Variants in BANP observed in about 807,000 individuals in gnomAD.
The protein encoded by BANP is protein BANP.
In BANP, 11 loss-of-function variants were observed where a neutral mutation model predicts 68.1. That is an observed-to-expected ratio of 0.16 (90% CI 0.10 to 0.27). The LOEUF (loss-of-function observed/expected upper bound fraction) is 0.27. Among genes scored for constraint, BANP ranks in the 10% least tolerant of loss-of-function variants. The pLI, the probability that BANP is intolerant of heterozygous loss-of-function variation, is 1.00. For missense variants in BANP, 504 were observed against 722.7 expected (o/e 0.70, Z 3.47); for synonymous variants, 329 against 303.2 (o/e 1.09, Z -0.88).
At chr16:88,053,298 C>A (rs1159390220) in intron 11 of BANP, among the ~76,000 whole-genome samples, 1 of 150,214 alleles carries the variant, frequency 6.7e-6, no homozygotes, top group Non-Finnish European at 1.5e-5. Flanking sequence ...CAGTCCCCTT[C>A]ACCACCACCA....
At chr16:88,024,831 A>AT (rs1368803778) in intron 7 of BANP, among the ~76,000 whole-genome samples, 2 of 152,208 alleles carry the variant, frequency 1.3e-5, no homozygotes, top group African/African-American at 4.8e-5. Context: ...ATGAATATAT[A>AT]TTTTTTATTT....
chr16:88,033,325 G>C, intron 9 of BANP, 80 bp downstream of exon 9: 1 of 1,365,148 alleles, frequency 7.3e-7, no homozygotes, highest in Non-Finnish European at 9.7e-7. Flanking sequence ...GCTTCCACCG[G>C]TTCCGCTGTG....
rs552563821 is a variant in BANP, at chr16:88,026,328, A to C, written c.896-1155A>C. On this transcript the variant is annotated intron_variant, in intron 7 of 13. Transcript: ENST00000682872. The stretch of plus-strand genomic sequence containing the variant: ...CCGTAAGGAGTTTGTACTCTAGTTG[A>C]GAAGGCACGATAGAGAGGCGTCGGG... 3.3e-5 allele frequency among the ~76,000 whole-genome samples: 5 copies of C among 152,298 alleles called. No homozygotes were observed. The East Asian group carries it at 9.6e-4, about 29-fold the overall frequency.
At chr16:88,065,682 G>A (rs952231123) in intron 12 of BANP, among the ~76,000 whole-genome samples, 1 of 152,196 alleles carries the variant, frequency 6.6e-6, no homozygotes, top group African/African-American at 2.4e-5. Flanking sequence ...AGTGGTGATG[G>A]TTCCCTCAGG....
chr16:88,054,457 C>T (rs1163323416), intron 11 of BANP, among the ~76,000 whole-genome samples: 3 of 151,384 alleles, frequency 2.0e-5, no homozygotes, highest in Non-Finnish European at 2.9e-5. Context: ...TATTATGTCC[C>T]TCATCCTCAC....
At chr16:88,055,268 A>T (rs560483681) in intron 11 of BANP, among the ~76,000 whole-genome samples, 1 of 152,210 alleles carries the variant, frequency 6.6e-6, no homozygotes, top group Non-Finnish European at 1.5e-5. Flanking sequence ...TCTGTAATCC[A>T]TACACCCACC....
At chr16:88,007,519 G>A (rs1191761042) in intron 6 of BANP, among the ~76,000 whole-genome samples, 4 of 152,224 alleles carry the variant, frequency 2.6e-5, no homozygotes, top group African/African-American at 9.6e-5. Flanking sequence ...TCCTGTCACC[G>A]TAAGTGACCA....
chr16:87,989,162 A>G (rs543774121), intron 4 of BANP, among the ~76,000 whole-genome samples: 1 of 152,358 alleles, frequency 6.6e-6, no homozygotes, highest in South Asian at 2.1e-4. Context: ...ATTGTAATAA[A>G]AATGCGAGTC....
chr16:88,020,098 C>G (rs1315048803), intron 7 of BANP, among the ~76,000 whole-genome samples: 1 of 152,326 alleles, frequency 6.6e-6, no homozygotes, highest in South Asian at 2.1e-4. Context: ...CTCACAGCTT[C>G]TCAGCGGTGG....
At chr16:88,044,303 ACACACAGTCGGAACAG>A (rs879776653) in intron 11 of BANP, among the ~76,000 whole-genome samples, 1,693 of 152,318 alleles carry the variant, frequency 0.011, 10 homozygotes, top group Middle Eastern at 0.017. Flanking sequence ...GCATGTGCAC[ACACACAGTCGGAACAG>A]GTCCACAGGA....
intron 1 of BANP, among the ~76,000 whole-genome samples, chr16:87,964,681 A>T (rs1249691874): frequency 6.6e-6 from 1 of 151,634 alleles, no homozygotes; most frequent in Non-Finnish European, 1.5e-5. Flanking sequence ...TCGTGATCAC[A>T]GCAGAGGTGC....
intron 4 of BANP, among the ~76,000 whole-genome samples, chr16:87,986,740 A>C (rs781433287): frequency 1.3e-4 from 20 of 152,162 alleles, no homozygotes; most frequent in Non-Finnish European, 2.1e-4. Context: ...GATATCATTC[A>C]CAGACCTGCG....
At chr16:87,978,647 C>G (rs1481102325) in intron 2 of BANP, 1 of 470,128 alleles carries the variant, frequency 2.1e-6, no homozygotes, top group Non-Finnish European at 4.4e-6. Context: ...GTGCTGTACT[C>G]AAGGGACACC....
chr16:87,958,510 C>G (rs2058529957), intron 1 of BANP, among the ~76,000 whole-genome samples: 2 of 152,156 alleles, frequency 1.3e-5, no homozygotes. Flanking sequence ...TTGGGTAACT[C>G]TGGATGTAGT....
intron 5 of BANP, among the ~76,000 whole-genome samples, chr16:88,005,539 T>C (rs954520207): frequency 1.3e-5 from 2 of 152,242 alleles, no homozygotes; most frequent in African/African-American, 4.8e-5. Flanking sequence ...AGCAGTGTTC[T>C]GTCCTTCCAC....
chr16:87,986,187 G>C (rs1408080435), intron 4 of BANP, among the ~76,000 whole-genome samples: 7 of 152,184 alleles, frequency 4.6e-5, no homozygotes, highest in Non-Finnish European at 7.4e-5. Flanking sequence ...ACTGTTTTAA[G>C]GAATTAAACA....
At chr16:88,020,013 A>T (rs2075681145) in intron 7 of BANP, among the ~76,000 whole-genome samples, 1 of 152,180 alleles carries the variant, frequency 6.6e-6, no homozygotes, top group South Asian at 2.1e-4. Context: ...CCCAGCTGTC[A>T]GACACCAGCG....
intron 1 of BANP, among the ~76,000 whole-genome samples, chr16:87,972,050 C>T (rs374986938): frequency 3.6e-4 from 55 of 152,338 alleles, no homozygotes; most frequent in African/African-American, 1.3e-3. Context: ...GCCTTAGCCT[C>T]CCAAAGTATT....
rs1390018666 is a variant in BANP at position 88,064,762 on chromosome 16, C to T, written c.1312-505C>T. On this transcript the variant is annotated intron_variant, in intron 11 of 13. Coordinates refer to ENST00000682872, the MANE Select transcript of BANP (RefSeq NM_001386991.1). The surrounding 1 kb of genome is among the most constrained non-coding windows in gnomAD (Gnocchi z 4.5). ...TGCCTTCATGCGGTTGGGGGTGCTG[C>T]CGCTCTTGCCCGCAGGGCACTCCTC... 6.6e-6 allele frequency among the ~76,000 whole-genome samples: 1 copy of T among 152,200 alleles called. No homozygotes were observed. Among genetic ancestry groups the T allele is most frequent in the Non-Finnish European group, 1.5e-5 (1 of 68,036 alleles).
Sources: allele counts gnomAD v4.1 joint callset (sites outside exome capture counted in the v4.1 genomes callset), GRCh38; gene constraint gnomAD v4.1.1; non-coding constraint Gnocchi (gnomAD v3.1); transcripts MANE v1.5; gene names NCBI Gene and HGNC (gene_info 2026-07-23, HGNC 2026-07-21).